Variants in SAMD5 observed in about 807,000 individuals in gnomAD.
The protein encoded by SAMD5 is sterile alpha motif domain containing 5.
In SAMD5, 13 loss-of-function variants were observed where a neutral mutation model predicts 11.3. The ratio of observed to expected loss-of-function variants is 1.15; its 90% confidence interval spans 0.75 to 1.83. SAMD5 has a LOEUF of 1.83. SAMD5 is among the 40% of genes most tolerant of loss of function. The probability of loss-of-function intolerance (pLI) is 0.00; values close to 1 mark genes in which losing one functional copy is unlikely to be tolerated. For synonymous variants in SAMD5, 129 were observed against 111.3 expected (o/e 1.16, Z -1.00); for missense variants, 255 against 239.1 (o/e 1.07, Z -0.44).
the SAMD5 span, among the ~76,000 whole-genome samples, chr6:147,853,124 G>A: frequency 6.6e-6 from 1 of 152,156 alleles, no homozygotes; most frequent in East Asian, 1.9e-4. Context: ...GAATGGTAAA[G>A]TTTGAAGCAG....
At chr6:147,518,517 T>G (rs1788206136) in intron 1 of SAMD5, among the ~76,000 whole-genome samples, 1 of 152,220 alleles carries the variant, frequency 6.6e-6, no homozygotes, top group African/African-American at 2.4e-5. Context: ...AAATATGTTC[T>G]GAAACCAATT....
At chr6:147,875,392 T>C in the SAMD5 span, among the ~76,000 whole-genome samples, 2 of 152,144 alleles carry the variant, frequency 1.3e-5, no homozygotes, top group Admixed American at 6.5e-5. Flanking sequence ...CTGTGAGGTA[T>C]GACCTTCTTT....
intron 1 of SAMD5, among the ~76,000 whole-genome samples, chr6:147,521,534 T>C (rs1431602778): frequency 6.6e-6 from 1 of 152,092 alleles, no homozygotes; most frequent in African/African-American, 2.4e-5. Flanking sequence ...AACAAAATTG[T>C]CAATTCTTTC....
chr6:147,644,250 T>C (rs1790361356), intron 1 of SAMD5, among the ~76,000 whole-genome samples: 1 of 152,174 alleles, frequency 6.6e-6, no homozygotes, highest in African/African-American at 2.4e-5. Flanking sequence ...GGGAGGAATC[T>C]TGGAATTCTA....
intron 1 of SAMD5, among the ~76,000 whole-genome samples, chr6:147,716,075 C>T (rs950423586): frequency 6.6e-6 from 1 of 151,944 alleles, no homozygotes; most frequent in African/African-American, 2.4e-5. Context: ...CAAGGACCTG[C>T]CCCCTTCCAC....
chr6:147,698,308 G>A (rs763126454), intron 1 of SAMD5, among the ~76,000 whole-genome samples: 2 of 152,070 alleles, frequency 1.3e-5, no homozygotes, highest in Non-Finnish European at 2.9e-5. Flanking sequence ...ACCTCCCAGA[G>A]ACCCCACCTC....
At chr6:147,874,874 C>T in the SAMD5 span, among the ~76,000 whole-genome samples, 5 of 151,890 alleles carry the variant, frequency 3.3e-5, no homozygotes, top group Non-Finnish European at 5.9e-5. Flanking sequence ...CTGTGGGATT[C>T]GGGCAGGACT....
the SAMD5 span, among the ~76,000 whole-genome samples, chr6:147,766,003 T>A: frequency 6.6e-6 from 1 of 150,660 alleles, no homozygotes; most frequent in East Asian, 2.0e-4. Context: ...ATCTAATATA[T>A]ACAAATATTT....
the SAMD5 span, among the ~76,000 whole-genome samples, chr6:147,866,388 G>C: frequency 6.6e-6 from 1 of 152,136 alleles, no homozygotes; most frequent in African/African-American, 2.4e-5. Flanking sequence ...ATTCCCTCCA[G>C]GAAGACAGGT....
chr6:147,660,518 G>T (rs1370597073), intron 1 of SAMD5, among the ~76,000 whole-genome samples: 1 of 152,154 alleles, frequency 6.6e-6, no homozygotes, highest in African/African-American at 2.4e-5. Context: ...TAGTGATATT[G>T]TTTGGCTCTG....
At chr6:147,942,417 C>T in the SAMD5 span, among the ~76,000 whole-genome samples, 1 of 152,330 alleles carries the variant, frequency 6.6e-6, no homozygotes, top group South Asian at 2.1e-4. Context: ...GATCAAATGT[C>T]CTATTCGACT....
the SAMD5 span, among the ~76,000 whole-genome samples, chr6:147,766,998 A>G: frequency 6.6e-6 from 1 of 152,230 alleles, no homozygotes; most frequent in African/African-American, 2.4e-5. Flanking sequence ...CAAAATATAC[A>G]TGAGAAAGGA....
At chr6:147,849,596 C>G in the SAMD5 span, among the ~76,000 whole-genome samples, 1 of 152,244 alleles carries the variant, frequency 6.6e-6, no homozygotes, top group East Asian at 1.9e-4. Context: ...TGATTTAGCA[C>G]TAATGTTGGA....
At chr6:147,541,858 A>G (rs542385723) in intron 1 of SAMD5, among the ~76,000 whole-genome samples, 1 of 152,166 alleles carries the variant, frequency 6.6e-6, no homozygotes, top group East Asian at 1.9e-4. Context: ...CTACTTAGAA[A>G]GAGCCAACCA....
chr6:147,733,007 G>T (rs1791739541), intron 1 of SAMD5, among the ~76,000 whole-genome samples: 1 of 152,322 alleles, frequency 6.6e-6, no homozygotes, highest in South Asian at 2.1e-4. Flanking sequence ...ACTACTGGAA[G>T]CTTTTGTGTA....
chr6:147,721,954 T>G (rs1006307008), intron 1 of SAMD5, among the ~76,000 whole-genome samples: 6 of 152,230 alleles, frequency 3.9e-5, no homozygotes, highest in Non-Finnish European at 7.3e-5. Flanking sequence ...TAATTATGAT[T>G]AATGAGAAGT....
intron 1 of SAMD5, among the ~76,000 whole-genome samples, chr6:147,695,375 C>A (rs561993635): frequency 1.8e-4 from 27 of 152,068 alleles, no homozygotes; most frequent in Admixed American, 9.8e-4. Flanking sequence ...TTAGGCCAAC[C>A]GTGCATATGT....
chr6:147,636,326 A>G (rs1250592151), intron 1 of SAMD5, among the ~76,000 whole-genome samples: 1 of 152,170 alleles, frequency 6.6e-6, no homozygotes, highest in Non-Finnish European at 1.5e-5. Flanking sequence ...ACACCAAGAA[A>G]TGCCATTTTT....
the SAMD5 span, among the ~76,000 whole-genome samples, chr6:147,796,621 G>A: frequency 6.6e-6 from 1 of 152,184 alleles, no homozygotes; most frequent in Non-Finnish European, 1.5e-5. Context: ...TTGGTAGCTT[G>A]ATGGGGATGG....
Sources: gnomAD v4.1 joint callset for allele counts (sites outside exome capture counted in the v4.1 genomes callset) on GRCh38, gnomAD v4.1.1 for gene constraint, MANE v1.5 for transcripts, NCBI Gene and HGNC (gene_info 2026-07-23, HGNC 2026-07-21) for gene names.